Variants in NELL2 observed in about 807,000 individuals in gnomAD.
NELL2 encodes the protein protein kinase C-binding protein NELL2.
NELL2 carries 41 observed loss-of-function variants against 109.6 expected under a neutral mutation model. That is an observed-to-expected ratio of 0.37 (90% CI 0.29 to 0.49). NELL2 has a LOEUF of 0.49. Ranked by LOEUF, NELL2 falls within the 20% of genes least tolerant of loss-of-function variation. The pLI is 0.98. For missense variants in NELL2, 900 were observed against 1,008.3 expected (o/e 0.89, Z 1.45); for synonymous variants, 355 against 344.7 (o/e 1.03, Z -0.33).
At chr12:44,921,038 G>A (rs535250914) in intron 1 of NELL2, among the ~76,000 whole-genome samples, 8 of 152,188 alleles carry the variant, frequency 5.3e-5, no homozygotes, top group East Asian at 1.9e-4. Context: ...CCTAATCTAC[G>A]TACACACTTT....
At chr12:44,832,051 A>G (rs1338968708) in intron 2 of NELL2, among the ~76,000 whole-genome samples, 1 of 152,178 alleles carries the variant, frequency 6.6e-6, no homozygotes, top group Non-Finnish European at 1.5e-5. Context: ...AAAAACAGAG[A>G]GTAAAAATTT....
chr12:44,527,888 C>T (rs1262133074), intron 16 of NELL2, among the ~76,000 whole-genome samples: 4 of 151,914 alleles, frequency 2.6e-5, no homozygotes, highest in African/African-American at 4.8e-5. Context: ...GGTCAGGAGA[C>T]TGAGACCATC....
intron 13 of NELL2, among the ~76,000 whole-genome samples, chr12:44,633,613 A>C (rs951387297): frequency 1.3e-5 from 2 of 152,130 alleles, no homozygotes; most frequent in Non-Finnish European, 2.9e-5. Flanking sequence ...ATTCTGTAGG[A>C]GTTCCAGCTT....
At chr12:44,511,636 T>C (rs1941006974) in intron 19 of NELL2, among the ~76,000 whole-genome samples, 1 of 152,296 alleles carries the variant, frequency 6.6e-6, no homozygotes, top group Middle Eastern at 3.4e-3. Context: ...GATCTTTGAG[T>C]TGCAGAAGAG....
At chr12:44,660,802 T>A (rs945704911) in intron 13 of NELL2, among the ~76,000 whole-genome samples, 1 of 151,578 alleles carries the variant, frequency 6.6e-6, no homozygotes, top group African/African-American at 2.4e-5. Context: ...GAAATGAGTG[T>A]CTCTTCACTC....
intron 12 of NELL2, among the ~76,000 whole-genome samples, chr12:44,693,743 C>A (rs1948972990): frequency 6.6e-6 from 1 of 152,120 alleles, no homozygotes; most frequent in African/African-American, 2.4e-5. Context: ...ATAGCTAATG[C>A]AAGTTCAAAT....
At chr12:44,876,823 G>GA (rs1481792877), upstream of NELL2, 2 of 1,333,170 alleles carry the variant, frequency 1.5e-6, no homozygotes, top group African/African-American at 3.0e-5. Context: ...CTGCACTGCC[G>GA]AGGTGGAGCT....
chr12:44,876,791 G>T, upstream of NELL2: 1 of 1,386,160 alleles, frequency 7.2e-7, no homozygotes, highest in Non-Finnish European at 9.4e-7. Flanking sequence ...CAGGGCGTGC[G>T]GAGGAAGGCC....
At chr12:44,588,102 A>G (rs372566281) in intron 15 of NELL2, among the ~76,000 whole-genome samples, 3 of 150,936 alleles carry the variant, frequency 2.0e-5, no homozygotes, top group African/African-American at 7.3e-5. Flanking sequence ...AGGGAGGCGG[A>G]GGTTGCAGTG....
At chr12:44,662,902 C>T (rs762554349) in intron 13 of NELL2, among the ~76,000 whole-genome samples, 7 of 152,070 alleles carry the variant, frequency 4.6e-5, no homozygotes, top group Admixed American at 2.0e-4. Flanking sequence ...TCCATGAGCT[C>T]GGACACAAAC....
chr12:44,759,601 C>G lies in NELL2; in HGVS notation c.994+15146G>C, dbSNP rs1197354951. On this transcript the variant is annotated intron_variant, in intron 9 of 19. Coordinates refer to ENST00000429094, the MANE Select transcript of NELL2 (RefSeq NM_001145108.2). ...GAAAAAAATCCCAGCTGAATTCAGT[C>G]TAAATTTCTAACCTGCCAAACTATT... 5.3e-5 allele frequency among the ~76,000 whole-genome samples: 8 copies of G among 152,268 alleles called. No homozygotes were observed. The East Asian group carries it at 1.5e-3, about 29-fold the overall frequency.
chr12:44,603,418 G>T (rs1338817194), intron 15 of NELL2, among the ~76,000 whole-genome samples: 1 of 152,078 alleles, frequency 6.6e-6, no homozygotes, highest in African/African-American at 2.4e-5. Flanking sequence ...TAATAAGATA[G>T]CTTTGTATAT....
chr12:44,824,303 C>A (rs1189125554), intron 2 of NELL2, among the ~76,000 whole-genome samples: 1 of 152,118 alleles, frequency 6.6e-6, no homozygotes, highest in Non-Finnish European at 1.5e-5. Context: ...GCCTTTGTTG[C>A]CTGTGTTTTT....
At chr12:44,582,937 C>T (rs1310488340) in intron 15 of NELL2, among the ~76,000 whole-genome samples, 2 of 151,992 alleles carry the variant, frequency 1.3e-5, no homozygotes, top group Admixed American at 6.6e-5. Flanking sequence ...AAAGTTTGGC[C>T]CCTTCTTGCT....
At chr12:44,622,223 T>A (rs1364641533) in intron 13 of NELL2, among the ~76,000 whole-genome samples, 1 of 151,974 alleles carries the variant, frequency 6.6e-6, no homozygotes, top group Non-Finnish European at 1.5e-5. Flanking sequence ...GATTTAATAT[T>A]TAGAAAAGTA....
At position 44,561,834 on chromosome 12, in the gene NELL2, G is replaced by A. The variant is rs374670671; in HGVS notation, c.1664-29113C>T. Among the ~76,000 whole-genome samples the A allele has an allele frequency of 6.6e-5, 10 of 151,996 alleles. No homozygotes were observed. In the East Asian group the frequency reaches 1.3e-3, roughly 21 times the overall value. ...GAAAAAATCACTTTAAATTTCATAT[G>A]GAACCAAAAAAGAGTCTGTATAGCC... On this transcript the variant is annotated intron_variant, in intron 15 of 19. Transcript: ENST00000429094.
intron 3 of NELL2, among the ~76,000 whole-genome samples, chr12:44,812,013 T>A (rs1210323162): frequency 6.6e-6 from 1 of 152,012 alleles, no homozygotes; most frequent in African/African-American, 2.4e-5. Context: ...AAAATAAGCA[T>A]CCTTCAGCAG....
At chr12:44,733,353 T>C (rs1360025636) in intron 9 of NELL2, among the ~76,000 whole-genome samples, 1 of 152,080 alleles carries the variant, frequency 6.6e-6, no homozygotes, top group East Asian at 1.9e-4. Context: ...AGTATATACA[T>C]ACAATGGAAT....
intron 3 of NELL2, among the ~76,000 whole-genome samples, chr12:44,813,450 A>G (rs1943243424): frequency 6.6e-6 from 1 of 152,230 alleles, no homozygotes; most frequent in African/African-American, 2.4e-5. Flanking sequence ...TGACAGAGAT[A>G]CAACCATAGA....
Sources: gnomAD v4.1 joint callset for allele counts (sites outside exome capture counted in the v4.1 genomes callset) on GRCh38, gnomAD v4.1.1 for gene constraint, MANE v1.5 for transcripts, NCBI Gene and HGNC (gene_info 2026-07-23, HGNC 2026-07-21) for gene names.